Variants in FBXO34 observed in about 807,000 individuals in gnomAD.
FBXO34 encodes the protein F-box only protein 34.
FBXO34 carries 12 observed loss-of-function variants against 24.5 expected under a neutral mutation model. That is an observed-to-expected ratio of 0.49 (90% CI 0.31 to 0.79). The LOEUF is 0.79. Ranked by LOEUF, FBXO34 falls within the 30% of genes least tolerant of loss-of-function variation. The pLI, the probability that FBXO34 is intolerant of heterozygous loss-of-function variation, is 0.04. For synonymous variants in FBXO34, 320 were observed against 311.9 expected, an observed-to-expected ratio of 1.03 and a Z score of -0.27; for missense variants, 823 against 857.7, an observed-to-expected ratio of 0.96 and a Z score of 0.51.
the FBXO34 span, among the ~76,000 whole-genome samples, chr14:55,432,654 T>G: frequency 6.6e-6 from 1 of 152,308 alleles, no homozygotes; most frequent in East Asian, 1.9e-4. Context: ...TTTTTGTCAA[T>G]CAATTTAGCA....
intron 1 of FBXO34, chr14:55,298,993 A>T: frequency 3.1e-6 from 5 of 1,608,658 alleles, no homozygotes; most frequent in East Asian, 2.2e-5. Flanking sequence ...GATAAAGTTG[A>T]TGAGTTAATG....
At chr14:55,364,360 T>C (rs908701062), downstream of FBXO34, among the ~76,000 whole-genome samples, 5 of 152,226 alleles carry the variant, frequency 3.3e-5, no homozygotes, top group Non-Finnish European at 4.4e-5. Flanking sequence ...AAGTCATTGA[T>C]GTAAATAACT....
At chr14:55,412,750 T>C in the FBXO34 span, among the ~76,000 whole-genome samples, 1 of 152,190 alleles carries the variant, frequency 6.6e-6, no homozygotes, top group Admixed American at 6.5e-5. Flanking sequence ...CAGGATTCCT[T>C]TCTCAAGTTC....
the FBXO34 span, among the ~76,000 whole-genome samples, chr14:55,395,620 T>C: frequency 2.0e-5 from 3 of 152,248 alleles, no homozygotes; most frequent in Admixed American, 6.5e-5. Flanking sequence ...CATATTTTCT[T>C]TGACACATTT....
intron 1 of FBXO34, among the ~76,000 whole-genome samples, chr14:55,344,593 T>C (rs1295788312): frequency 6.6e-6 from 1 of 151,908 alleles, no homozygotes; most frequent in Non-Finnish European, 1.5e-5. Flanking sequence ...ATGTGCAGAA[T>C]TTGCAGGTTT....
At chr14:55,340,599 T>C (rs1038647362) in intron 1 of FBXO34, among the ~76,000 whole-genome samples, 1 of 152,158 alleles carries the variant, frequency 6.6e-6, no homozygotes, top group Non-Finnish European at 1.5e-5. Flanking sequence ...GGTCAAGCCA[T>C]TTTAAAATTC....
At chr14:55,306,571 C>G (rs1001071027) in intron 1 of FBXO34, among the ~76,000 whole-genome samples, 1 of 152,144 alleles carries the variant, frequency 6.6e-6, no homozygotes. Flanking sequence ...TGGTGGCTCA[C>G]GCGTGTAATC....
intron 1 of FBXO34, among the ~76,000 whole-genome samples, chr14:55,321,068 ATTCC>A (rs10584017): frequency 0.3 from 45,775 of 151,786 alleles, 7,177 homozygotes; most frequent in Non-Finnish European, 0.33. Context: ...TAGCTTTGGA[ATTCC>A]TTCATTCAGA....
chr14:55,357,705 C>T (rs1386570105), downstream of FBXO34, among the ~76,000 whole-genome samples: 2 of 152,130 alleles, frequency 1.3e-5, no homozygotes, highest in Non-Finnish European at 2.9e-5. Context: ...CCCTGCTATT[C>T]AGGAGGCTGA....
intron 3 of FBXO34, among the ~76,000 whole-genome samples, chr14:55,361,383 T>A (rs1474935708): frequency 6.6e-6 from 1 of 152,228 alleles, no homozygotes; most frequent in Non-Finnish European, 1.5e-5. Flanking sequence ...TGTAAACAGA[T>A]GTGTTGCTAT....
chr14:55,424,192 G>A, the FBXO34 span: 1 of 1,613,258 alleles, frequency 6.2e-7, no homozygotes, highest in East Asian at 2.2e-5. Flanking sequence ...ACAAAGATAA[G>A]CAACACAATT....
chr14:55,351,083 C>G lies in FBXO34; in HGVS notation c.693C>G (p.Asn231Lys). 6.2e-7 allele frequency: 1 copy of G among 1,614,200 alleles called. No individual in the cohort carries two copies. The highest frequency in any genetic ancestry group is 8.5e-7 in the Non-Finnish European group (1 of 1,180,046). The change falls in exon 2 of 2, where the codon AAC becomes AAG. Residue 231 changes from asparagine (N) to lysine (K), a missense_variant. Transcript: ENST00000313833. ...LLASCSKNCT[N>K]SPAIVRFSGQ... ...CTAGCTGTTCAAAAAACTGCACAAACTCACCTGCAATTGTGAGGTTTTCTG... is the reference window on the plus strand; with the variant it reads ...CTAGCTGTTCAAAAAACTGCACAAAGTCACCTGCAATTGTGAGGTTTTCTG...
chr14:55,302,453 G>GTTTTTTTT (rs796083398), intron 1 of FBXO34, among the ~76,000 whole-genome samples: 1 of 133,462 alleles, frequency 7.5e-6, no homozygotes. Flanking sequence ...CCTCTTTTTT[G>GTTTTTTTT]TTTTTTTTTT....
chr14:55,380,875 A>ATATATATATATATTTTT, the FBXO34 span, among the ~76,000 whole-genome samples: 2 of 112,702 alleles, frequency 1.8e-5, no homozygotes, highest in African/African-American at 3.8e-5. Context: ...ATATATATAT[A>ATATATATATATATTTTT]TTTTTTTTTT....
the FBXO34 span, among the ~76,000 whole-genome samples, chr14:55,415,004 G>A: frequency 6.6e-6 from 1 of 152,188 alleles, no homozygotes; most frequent in Non-Finnish European, 1.5e-5. Flanking sequence ...TCAAGAAATT[G>A]TAAATCATAA....
the FBXO34 span, among the ~76,000 whole-genome samples, chr14:55,429,222 GA>G: frequency 1.3e-5 from 2 of 152,158 alleles, no homozygotes; most frequent in African/African-American, 4.8e-5. Flanking sequence ...TTTCATATAT[GA>G]AGTACTTTTA....
intron 1 of FBXO34, among the ~76,000 whole-genome samples, chr14:55,272,807 C>T (rs1174418557): frequency 1.3e-5 from 2 of 152,022 alleles, no homozygotes; most frequent in East Asian, 1.9e-4. Flanking sequence ...TACTGAGACC[C>T]GGCTATAACT....
downstream of FBXO34, among the ~76,000 whole-genome samples, chr14:55,356,487 G>A (rs780895344): frequency 1.3e-5 from 2 of 152,084 alleles, no homozygotes; most frequent in Admixed American, 6.5e-5. Context: ...TTGCTCTGTC[G>A]CCCAGACTGG....
intron 1 of FBXO34, among the ~76,000 whole-genome samples, chr14:55,315,685 GT>G (rs1050011355): frequency 6.6e-6 from 1 of 152,166 alleles, no homozygotes; most frequent in Non-Finnish European, 1.5e-5. Context: ...TTGTTTTCTA[GT>G]TTCTTCTATG....
Sources: allele counts gnomAD v4.1 joint callset (sites outside exome capture counted in the v4.1 genomes callset), GRCh38; gene constraint gnomAD v4.1.1; transcripts MANE v1.5; gene names NCBI Gene and HGNC (gene_info 2026-07-23, HGNC 2026-07-21).